Variants in IPO8 observed in about 807,000 individuals in gnomAD.
IPO8 encodes the protein importin 8.
In IPO8, 65 loss-of-function variants were observed where a neutral mutation model predicts 141.2. The observed-to-expected ratio is 0.46, with a 90% CI of 0.38 to 0.57. The LOEUF (loss-of-function observed/expected upper bound fraction) is 0.57. Ranked by LOEUF, IPO8 falls within the 20% of genes least tolerant of loss-of-function variation. The pLI is 0.00. For synonymous variants in IPO8, 411 were observed against 420.3 expected (o/e 0.98, Z 0.27); for missense variants, 980 against 1,246.8 (o/e 0.79, Z 3.22).
chr12:30,635,203 C>A (rs1182697293), intron 22 of IPO8, among the ~76,000 whole-genome samples: 1 of 151,864 alleles, frequency 6.6e-6, no homozygotes, highest in East Asian at 1.9e-4. Context: ...GGTACAAAGT[C>A]TCAGGAAGAA....
chr12:30,651,439 T>C (rs1427910678), intron 19 of IPO8, among the ~76,000 whole-genome samples: 1 of 152,104 alleles, frequency 6.6e-6, no homozygotes, highest in Non-Finnish European at 1.5e-5. Flanking sequence ...AAAAGTGTGT[T>C]GGGAGGGTTG....
chr12:30,684,541 C>T (rs1226724079), intron 2 of IPO8, 84 bp from the exon 3 acceptor site: 2 of 1,349,726 alleles, frequency 1.5e-6, no homozygotes, highest in Non-Finnish European at 2.1e-6. Context: ...AGTCCAAACC[C>T]TTCAATGTTA....
chr12:30,649,710 T>C (rs1195856936), intron 19 of IPO8, among the ~76,000 whole-genome samples: 3 of 152,130 alleles, frequency 2.0e-5, no homozygotes, highest in Admixed American at 2.0e-4. Context: ...TGTAACCATT[T>C]ATAACTATAC....
intron 1 of IPO8, among the ~76,000 whole-genome samples, chr12:30,693,415 G>C (rs755434114): frequency 6.6e-5 from 10 of 152,242 alleles, no homozygotes; most frequent in Non-Finnish European, 1.2e-4. Flanking sequence ...AATATAGGCT[G>C]TGGTGCAGAA....
At chr12:30,665,342 C>T (rs1326258868) in intron 12 of IPO8, 33 bp from the exon 13 acceptor site, 2 of 1,194,452 alleles carry the variant, frequency 1.7e-6, no homozygotes, top group Admixed American at 1.9e-5. Flanking sequence ...TTATCAATTT[C>T]TTTTTCATAC....
chr12:30,636,876 G>A (rs1194912697), intron 22 of IPO8, 106 bp downstream of exon 22: 106 of 941,040 alleles, frequency 1.1e-4, no homozygotes, highest in Non-Finnish European at 1.6e-4. Flanking sequence ...GTAGCAGGCC[G>A]AAGAATGTAA....
intron 20 of IPO8, 50 bp from the exon 21 acceptor site, chr12:30,639,785 T>G (rs1262925233): frequency 6.0e-6 from 8 of 1,340,744 alleles, no homozygotes; most frequent in Non-Finnish European, 8.6e-6. Context: ...CCAAGTAACT[T>G]TTATAGAAGC....
At chr12:30,671,200 A>G (rs1362080956) in intron 8 of IPO8, 104 bp from the exon 9 acceptor site, 2 of 695,746 alleles carry the variant, frequency 2.9e-6, no homozygotes, top group Admixed American at 2.5e-5. Flanking sequence ...ATAGAAAAAT[A>G]AACAGATTTG....
chr12:30,678,313 C>G (rs1484427920), intron 5 of IPO8, among the ~76,000 whole-genome samples: 1 of 152,140 alleles, frequency 6.6e-6, no homozygotes, highest in Admixed American at 6.5e-5. Context: ...CAGCAACTTC[C>G]AGTCCTGCAA....
At chr12:30,661,913 A>AT (rs1016545176) in intron 15 of IPO8, among the ~76,000 whole-genome samples, 1 of 152,112 alleles carries the variant, frequency 6.6e-6, no homozygotes, top group Non-Finnish European at 1.5e-5. Context: ...TATCAGAATA[A>AT]TTTTTTTATC....
intron 20 of IPO8, among the ~76,000 whole-genome samples, chr12:30,646,847 C>T (rs1237141497): frequency 1.3e-5 from 2 of 152,190 alleles, no homozygotes; most frequent in Admixed American, 6.5e-5. Flanking sequence ...AGTCACCCCA[C>T]GTTCAGGGAT....
At chr12:30,674,388 T>C (rs1429483184) in intron 7 of IPO8, among the ~76,000 whole-genome samples, 4 of 152,216 alleles carry the variant, frequency 2.6e-5, no homozygotes, top group South Asian at 2.1e-4. Flanking sequence ...AATTTGACAT[T>C]ATTACGGAGT....
intron 21 of IPO8, 50 bp from the exon 22 acceptor site, chr12:30,637,237 G>C: frequency 7.3e-7 from 1 of 1,379,294 alleles, no homozygotes; most frequent in Non-Finnish European, 1.0e-6. Context: ...GTGGAATAAA[G>C]AACAAATTCT....
At chr12:30,688,738 T>C (rs569998335) in intron 2 of IPO8, 1 of 156,990 alleles carries the variant, frequency 6.4e-6, no homozygotes, top group East Asian at 1.9e-4. Context: ...TGGTGAGGAT[T>C]TGGGGAACCT....
chr12:30,675,712 C>T (rs527776727), intron 6 of IPO8, among the ~76,000 whole-genome samples: 67 of 149,936 alleles, frequency 4.5e-4, no homozygotes, highest in African/African-American at 1.6e-3. Context: ...GGCGTGGTGG[C>T]GAGCACCTGT....
At chr12:30,669,887 G>A (rs2053025170) in intron 9 of IPO8, among the ~76,000 whole-genome samples, 1 of 152,126 alleles carries the variant, frequency 6.6e-6, no homozygotes, top group South Asian at 2.1e-4. Context: ...TGCTACTAAT[G>A]TCCTATTAAG....
chr12:30,638,286 T>C (rs1446882538), intron 21 of IPO8, among the ~76,000 whole-genome samples: 3 of 152,240 alleles, frequency 2.0e-5, no homozygotes, highest in Non-Finnish European at 4.4e-5. Context: ...ACAATTTCTT[T>C]GATAGTATGT....
chr12:30,672,554 G>C (rs565462838), intron 8 of IPO8, among the ~76,000 whole-genome samples: 14 of 152,092 alleles, frequency 9.2e-5, no homozygotes, highest in Non-Finnish European at 1.8e-4. Flanking sequence ...TTATAACACG[G>C]ATATAATGGC....
intron 22 of IPO8, among the ~76,000 whole-genome samples, chr12:30,636,133 G>GTCTC (rs2052497365): frequency 6.6e-6 from 1 of 151,964 alleles, no homozygotes; most frequent in African/African-American, 2.4e-5. Context: ...TGCTGTGGAG[G>GTCTC]GGAGAAAAAG....
Sources: gnomAD v4.1 joint callset for allele counts (sites outside exome capture counted in the v4.1 genomes callset) on GRCh38, gnomAD v4.1.1 for gene constraint, MANE v1.5 for transcripts, NCBI Gene and HGNC (gene_info 2026-07-23, HGNC 2026-07-21) for gene names.